Variants in ZC3H12B observed in about 807,000 individuals in gnomAD.
ZC3H12B encodes zinc finger CCCH-type containing 12B.
Under a neutral mutation model 43.9 loss-of-function variants are expected in ZC3H12B, and 7 were observed. That is an observed-to-expected ratio of 0.16 (90% CI 0.09 to 0.30). The LOEUF (loss-of-function observed/expected upper bound fraction) is 0.30, where lower values mean the gene tolerates loss of function less well. Among genes scored for constraint, ZC3H12B ranks in the 10% least tolerant of loss-of-function variants. The pLI is 1.00. For synonymous variants in ZC3H12B, 222 were observed against 241.7 expected (o/e 0.92, Z 0.76); for missense variants, 475 against 670.2 (o/e 0.71, Z 3.22).
chrX:65,237,840 T>A, the ZC3H12B span, among the ~76,000 whole-genome samples: 1 of 111,790 alleles, frequency 8.9e-6, no homozygotes, highest in Non-Finnish European at 1.9e-5. Flanking sequence ...TTTGGTTTTA[T>A]TTCTGTTTAT....
At chrX:65,381,766 G>C (rs2148009695) in intron 2 of ZC3H12B, among the ~76,000 whole-genome samples, 1 of 111,770 alleles carries the variant, frequency 8.9e-6, no homozygotes, top group South Asian at 3.7e-4. Context: ...AAATGATAAA[G>C]GGGATATCAC....
At chrX:65,346,402 CT>C in the ZC3H12B span, among the ~76,000 whole-genome samples, 1 of 111,374 alleles carries the variant, frequency 9.0e-6, no homozygotes, top group Admixed American at 9.6e-5. Flanking sequence ...ATAAATTTTG[CT>C]GGAATACCTG....
intron 3 of ZC3H12B, among the ~76,000 whole-genome samples, chrX:65,466,898 C>CTATA (rs1344978691): frequency 3.3e-5 from 1 of 29,999 alleles, no homozygotes; most frequent in Non-Finnish European, 8.4e-5. Context: ...ATATATGTAA[C>CTATA]TATATATATA....
chrX:65,327,342 A>T, the ZC3H12B span, among the ~76,000 whole-genome samples: 4 of 111,518 alleles, frequency 3.6e-5, no homozygotes, highest in South Asian at 3.6e-4. Flanking sequence ...CTTTTTGGGA[A>T]TTTTTTAAAA....
chrX:65,109,189 A>C, the ZC3H12B span, among the ~76,000 whole-genome samples: 1 of 111,535 alleles, frequency 9.0e-6, no homozygotes, highest in Non-Finnish European at 1.9e-5. Flanking sequence ...CTTTGGGGAC[A>C]CCTTTACTGA....
the ZC3H12B span, among the ~76,000 whole-genome samples, chrX:65,163,247 C>A: frequency 9.0e-6 from 1 of 111,461 alleles, no homozygotes; most frequent in Non-Finnish European, 1.9e-5. Context: ...AGGCAGTCTT[C>A]CCATTCTCAG....
At chrX:65,356,340 G>A in the ZC3H12B span, among the ~76,000 whole-genome samples, 1 of 112,181 alleles carries the variant, frequency 8.9e-6, no homozygotes, top group Admixed American at 9.5e-5. Flanking sequence ...GAAAAGACAT[G>A]TTAACACAGA....
At chrX:65,467,236 T>A (rs748870067) in intron 3 of ZC3H12B, among the ~76,000 whole-genome samples, 24 of 109,120 alleles carry the variant, frequency 2.2e-4, no homozygotes, top group African/African-American at 7.2e-4. Context: ...TTTCTTAGAA[T>A]AATAGCCTCC....
intron 3 of ZC3H12B, among the ~76,000 whole-genome samples, chrX:65,409,556 CCACACA>C (rs149933064): frequency 0.017 from 1,520 of 87,608 alleles, 25 homozygotes; most frequent in African/African-American, 0.047. Context: ...CCTAAAGACT[CCACACA>C]CACACACACA....
At chrX:65,086,276 CTTG>C in the ZC3H12B span, among the ~76,000 whole-genome samples, 1 of 111,222 alleles carries the variant, frequency 9.0e-6, no homozygotes, top group Non-Finnish European at 1.9e-5. Flanking sequence ...AGGATTTGTT[CTTG>C]TTTTCTCTTT....
chrX:65,167,707 C>G, the ZC3H12B span, among the ~76,000 whole-genome samples: 1 of 111,926 alleles, frequency 8.9e-6, no homozygotes, highest in Non-Finnish European at 1.9e-5. Flanking sequence ...TTTGTGTCCT[C>G]TTTTATTTCA....
At chrX:65,274,604 C>T in the ZC3H12B span, among the ~76,000 whole-genome samples, 3 of 108,877 alleles carry the variant, frequency 2.8e-5, no homozygotes, top group Non-Finnish European at 3.8e-5. Flanking sequence ...ACACAGCTGC[C>T]TACCTAACCC....
the ZC3H12B span, among the ~76,000 whole-genome samples, chrX:65,072,891 C>A: frequency 8.9e-6 from 1 of 112,509 alleles, no homozygotes. Context: ...TACTGTGCAC[C>A]TGGTCATGCC....
At chrX:65,268,239 T>C in the ZC3H12B span, among the ~76,000 whole-genome samples, 5 of 111,885 alleles carry the variant, frequency 4.5e-5, no homozygotes, top group African/African-American at 1.6e-4. Context: ...CTCAAACATG[T>C]CAATAACGAA....
the ZC3H12B span, among the ~76,000 whole-genome samples, chrX:65,045,465 CT>C: frequency 8.9e-6 from 1 of 112,080 alleles, no homozygotes; most frequent in Admixed American, 9.4e-5. Context: ...CAAGGAACCA[CT>C]TTTTTTGCTC....
the ZC3H12B span, among the ~76,000 whole-genome samples, chrX:65,325,159 C>T: frequency 7.2e-5 from 8 of 110,848 alleles, no homozygotes; most frequent in Admixed American, 2.9e-4. Flanking sequence ...TATTCTTTGA[C>T]TTTCACTCTA....
chrX:65,085,314 C>A, the ZC3H12B span, among the ~76,000 whole-genome samples: 3 of 111,259 alleles, frequency 2.7e-5, no homozygotes, highest in Non-Finnish European at 5.7e-5. Context: ...GATGGATGCC[C>A]TATTCTCTTT....
the ZC3H12B span, among the ~76,000 whole-genome samples, chrX:65,073,934 T>C: frequency 8.9e-6 from 1 of 112,056 alleles, no homozygotes; most frequent in South Asian, 3.7e-4. Flanking sequence ...GCCGTACCTC[T>C]GAAGATCTGC....
intron 3 of ZC3H12B, among the ~76,000 whole-genome samples, chrX:65,482,254 A>T (rs1011449764): frequency 3.6e-5 from 4 of 110,651 alleles, no homozygotes; most frequent in African/African-American, 1.3e-4. Context: ...CTTTTGACTA[A>T]GGGTCTCGGG....
Sources: allele counts gnomAD v4.1 joint callset (sites outside exome capture counted in the v4.1 genomes callset), GRCh38; gene constraint gnomAD v4.1.1; transcripts MANE v1.5; gene names NCBI Gene and HGNC (gene_info 2026-07-23, HGNC 2026-07-21).